The following CENPP variants were observed in gnomAD, a reference collection of about 807,000 sequenced individuals.
CENPP encodes centromere protein P.
In CENPP, 24 loss-of-function variants were observed where a neutral mutation model predicts 35.6. The observed-to-expected ratio is 0.67, with a 90% confidence interval of 0.49 to 0.95. The LOEUF is 0.95. Among genes scored for constraint, CENPP ranks in the 40% least tolerant of loss-of-function variants. The pLI, the probability that CENPP is intolerant of heterozygous loss-of-function variation, is 0.00. For missense variants in CENPP, 332 were observed against 345.3 expected (o/e 0.96, Z 0.31); for synonymous variants, 120 against 125.5 (o/e 0.96, Z 0.29).
rs537121559 is a variant in CENPP at position 92,387,990 on chromosome 9, T to C, written c.564+8131T>C. ...TGTTGCCCAGGCTGGTCTCGAACTC[T>C]TGAGCTCAGGCAATCTGCCCGCCTT... On this transcript the variant is annotated intron_variant, in intron 5 of 7. Transcript: ENST00000375587. 1.2e-4 allele frequency among the ~76,000 whole-genome samples: 18 copies of C among 150,862 alleles called. No individual in the cohort carries two copies. The East Asian group carries it at 3.4e-3, about 28-fold the overall frequency.
At position 92,454,968 on chromosome 9, in the gene CENPP, T is replaced by A. The variant is rs17591643; in HGVS notation, c.564+75109T>A. ...CAGTTTTGTTCTAGGTTTCCAGATA[T>A]GTCATTTTAGAAATTGACTAACTTT... On this transcript the variant is annotated intron_variant, in intron 5 of 7. Transcript: ENST00000375587. Among the ~76,000 whole-genome samples the A allele has an allele frequency of 1.4e-4, 21 of 152,338 alleles. 1 individual carries two copies. The South Asian group carries it at 4.3e-3, about 32-fold the overall frequency.
intron 5 of CENPP, chr9:92,495,533 ACT>A (rs1846304736): frequency 6.1e-6 from 6 of 982,200 alleles, no homozygotes; most frequent in African/African-American, 5.3e-5. Context: ...TTTTAAGCAA[ACT>A]CTACTGCTTT....
chr9:92,509,800 A>G, intron 5 of CENPP: 2 of 1,259,624 alleles, frequency 1.6e-6, no homozygotes, highest in Non-Finnish European at 2.1e-6. Flanking sequence ...AAAAATATTT[A>G]CTATTTATTC....
intron 5 of CENPP, chr9:92,389,844 A>G (rs1282003031): frequency 1.3e-6 from 2 of 1,575,368 alleles, no homozygotes; most frequent in East Asian, 4.5e-5. Context: ...TTTTACTATA[A>G]AATACTTACT....
At chr9:92,483,226 A>G (rs1170909896) in intron 5 of CENPP, among the ~76,000 whole-genome samples, 1 of 150,866 alleles carries the variant, frequency 6.6e-6, no homozygotes, top group African/African-American at 2.4e-5. Flanking sequence ...AAGAGAGGAC[A>G]GTTTTCTTTT....
chr9:92,498,327 A>C (rs1490588973), intron 5 of CENPP, among the ~76,000 whole-genome samples: 1 of 152,188 alleles, frequency 6.6e-6, no homozygotes, highest in Non-Finnish European at 1.5e-5. Flanking sequence ...GAGGGATAGC[A>C]TTAGGAGGTA....
chr9:92,501,073 A>G (rs1270712899), intron 5 of CENPP: 1 of 1,608,124 alleles, frequency 6.2e-7, no homozygotes, highest in Non-Finnish European at 8.5e-7. Context: ...AGAAAAAAGT[A>G]AACAGGGTAG....
At chr9:92,416,039 A>G (rs1843587604) in intron 5 of CENPP, among the ~76,000 whole-genome samples, 2 of 118,430 alleles carry the variant, frequency 1.7e-5, no homozygotes, top group Non-Finnish European at 3.6e-5. Context: ...ATATATAAAT[A>G]AATATATTAT....
chr9:92,468,466 T>C (rs1845393428), intron 5 of CENPP, among the ~76,000 whole-genome samples: 2 of 152,170 alleles, frequency 1.3e-5, no homozygotes, highest in African/African-American at 4.8e-5. Context: ...CACATGTGTC[T>C]CATAATGGCT....
intron 5 of CENPP, among the ~76,000 whole-genome samples, chr9:92,394,963 T>C (rs1842835718): frequency 6.6e-6 from 1 of 152,216 alleles, no homozygotes; most frequent in Non-Finnish European, 1.5e-5. Context: ...GTCCCATAAG[T>C]CATAATCTGT....
At chr9:92,597,906 G>A (rs569217041) in intron 5 of CENPP, among the ~76,000 whole-genome samples, 1 of 152,192 alleles carries the variant, frequency 6.6e-6, no homozygotes, top group South Asian at 2.1e-4. Flanking sequence ...AGTGATTGCA[G>A]GGTGCATGTT....
chr9:92,383,451 G>A (rs777550824), intron 5 of CENPP, among the ~76,000 whole-genome samples: 4 of 152,014 alleles, frequency 2.6e-5, no homozygotes, highest in Non-Finnish European at 4.4e-5. Flanking sequence ...TTCCATTTAT[G>A]TATGTCTTTA....
intron 5 of CENPP, among the ~76,000 whole-genome samples, chr9:92,380,312 G>A (rs1842215239): frequency 6.6e-6 from 1 of 152,156 alleles, no homozygotes; most frequent in South Asian, 2.1e-4. Context: ...CCTGATATGG[G>A]TACTTTAAAG....
At chr9:92,416,076 T>A (rs3078344) in intron 5 of CENPP, among the ~76,000 whole-genome samples, 64,437 of 128,428 alleles carry the variant, frequency 0.5, 17,856 homozygotes, top group East Asian at 0.83. Context: ...ATATATTTAT[T>A]TATTTATTTA....
chr9:92,364,838 A>G (rs553423561), intron 4 of CENPP, among the ~76,000 whole-genome samples: 3 of 152,330 alleles, frequency 2.0e-5, no homozygotes, highest in Admixed American at 6.5e-5. Flanking sequence ...AAATGCATAC[A>G]ATGTCTACTC....
At chr9:92,360,614 T>G (rs1841721517) in intron 4 of CENPP, among the ~76,000 whole-genome samples, 1 of 152,182 alleles carries the variant, frequency 6.6e-6, no homozygotes, top group Non-Finnish European at 1.5e-5. Context: ...TTATAATGTT[T>G]TACTTCAACT....
At chr9:92,374,264 T>TGA (rs1312764904) in intron 4 of CENPP, among the ~76,000 whole-genome samples, 2 of 150,384 alleles carry the variant, frequency 1.3e-5, no homozygotes, top group Admixed American at 6.6e-5. Context: ...TGTGTGTGTG[T>TGA]GTGTGTGTGT....
At chr9:92,557,420 A>G (rs1849750530) in intron 5 of CENPP, among the ~76,000 whole-genome samples, 1 of 152,096 alleles carries the variant, frequency 6.6e-6, no homozygotes, top group Non-Finnish European at 1.5e-5. Context: ...TATGTTTTTC[A>G]AGCTTTTAGA....
chr9:92,505,871 A>G (rs1338796888), intron 5 of CENPP, among the ~76,000 whole-genome samples: 2 of 152,192 alleles, frequency 1.3e-5, no homozygotes, highest in Admixed American at 6.5e-5. Flanking sequence ...CAGATGCTCA[A>G]TTCAACCAGA....
Sources: gnomAD v4.1 joint callset for allele counts (sites outside exome capture counted in the v4.1 genomes callset) on GRCh38, gnomAD v4.1.1 for gene constraint, MANE v1.5 for transcripts, NCBI Gene and HGNC (gene_info 2026-07-23, HGNC 2026-07-21) for gene names.